Variants in TMEM268 observed in about 807,000 individuals in gnomAD.
The protein encoded by TMEM268 is transmembrane protein C9orf91.
A neutral mutation model predicts 39.1 loss-of-function variants in TMEM268; 24 were observed. The ratio of observed to expected loss-of-function variants is 0.61; its 90% CI spans 0.44 to 0.86. The LOEUF (loss-of-function observed/expected upper bound fraction) is 0.86, where lower values mean the gene tolerates loss of function less well. Among genes scored for constraint, TMEM268 ranks in the 40% least tolerant of loss-of-function variants. TMEM268 has a pLI of 0.00. For missense variants in TMEM268, 409 were observed against 428.6 expected (o/e 0.95, Z 0.40); for synonymous variants, 176 against 173.5 (o/e 1.01, Z -0.12).
Position 114,625,993 on chromosome 9 carries a change from A to G in TMEM268, c.217-906A>G, listed in dbSNP as rs12237674. On this transcript the variant is annotated intron_variant, in intron 3 of 8. Coordinates refer to ENST00000288502, the MANE Select transcript of TMEM268 (RefSeq NM_153045.4). ...AGGCACGTGCCACCATGCCCAGCTAATTTTTGTATTTTTAGCAGGAACAGG... is the reference window on the plus strand; with the variant it reads ...AGGCACGTGCCACCATGCCCAGCTAGTTTTTGTATTTTTAGCAGGAACAGG... Among the ~76,000 whole-genome samples the G allele has an allele frequency of 1.5e-3, 215 of 147,756 alleles. 4 individuals are homozygous for G. The East Asian group carries it at 0.034, about 24-fold the overall frequency.
At chr9:114,638,798 G>T in intron 8 of TMEM268, 72 bp downstream of exon 8, 2 of 1,207,694 alleles carry the variant, frequency 1.7e-6, no homozygotes, top group Middle Eastern at 2.7e-4. Flanking sequence ...CTATGTGGGG[G>T]CTTCTTAGAT....
At chr9:114,615,157 A>G (rs573645021) in intron 1 of TMEM268, among the ~76,000 whole-genome samples, 2 of 152,124 alleles carry the variant, frequency 1.3e-5, no homozygotes, top group South Asian at 4.2e-4. Flanking sequence ...TCAGCCTCCC[A>G]AAGTGCTGGG....
At chr9:114,617,947 G>A (rs79468361) in intron 2 of TMEM268, among the ~76,000 whole-genome samples, 6,842 of 151,954 alleles carry the variant, frequency 0.045, 267 homozygotes, top group African/African-American at 0.1. Context: ...CATGATCTCG[G>A]TTCACTGTAG....
At chr9:114,610,441 C>T (rs1231624660), upstream of TMEM268, among the ~76,000 whole-genome samples, 1 of 152,176 alleles carries the variant, frequency 6.6e-6, no homozygotes, top group African/African-American at 2.4e-5. Flanking sequence ...GGCAGTGTGG[C>T]GCGTTCTGGC....
intron 5 of TMEM268, among the ~76,000 whole-genome samples, chr9:114,632,392 T>C (rs1846439846): frequency 6.6e-6 from 1 of 152,202 alleles, no homozygotes; most frequent in African/African-American, 2.4e-5. Flanking sequence ...AAATCTCCCT[T>C]ACAGGGTGCT....
upstream of TMEM268, among the ~76,000 whole-genome samples, chr9:114,609,337 AAACAAAC>A (rs568418512): frequency 4.8e-4 from 72 of 151,224 alleles, 1 homozygote; most frequent in East Asian, 0.012. Flanking sequence ...ACAAACAAAC[AAACAAAC>A]AAGCATGTAC....
At chr9:114,606,099 C>G in the TMEM268 span, among the ~76,000 whole-genome samples, 1 of 151,996 alleles carries the variant, frequency 6.6e-6, no homozygotes, top group South Asian at 2.1e-4. Flanking sequence ...GACCGATAGT[C>G]TAGTTACCTA....
intron 1 of TMEM268, among the ~76,000 whole-genome samples, chr9:114,616,005 CTTTTTTCTTTTCTTTTTT>C (rs1274362989): frequency 4.4e-5 from 6 of 137,860 alleles, no homozygotes; most frequent in Non-Finnish European, 7.7e-5. Context: ...TTTTCTTTTT[CTTTTTTCTTTTCTTTTTT>C]TTTTTTTTTT....
At chr9:114,607,609 C>T (rs542426579), upstream of TMEM268, among the ~76,000 whole-genome samples, 6 of 152,204 alleles carry the variant, frequency 3.9e-5, no homozygotes, top group South Asian at 2.1e-4. Context: ...GAGCCAAGAT[C>T]GCGCTGCTGT....
chr9:114,612,643 A>G (rs538838238), intron 1 of TMEM268, among the ~76,000 whole-genome samples: 9 of 152,164 alleles, frequency 5.9e-5, no homozygotes, highest in Non-Finnish European at 1.3e-4. Flanking sequence ...CCTCTGGTCC[A>G]TATCCCTTTC....
At chr9:114,618,800 A>G (rs941684816) in intron 2 of TMEM268, among the ~76,000 whole-genome samples, 1 of 152,202 alleles carries the variant, frequency 6.6e-6, no homozygotes, top group Non-Finnish European at 1.5e-5. Flanking sequence ...TCTAGCATTT[A>G]TCATAGTCTG....
chr9:114,626,692 G>A (rs917477111), intron 3 of TMEM268, among the ~76,000 whole-genome samples: 2 of 152,226 alleles, frequency 1.3e-5, no homozygotes, highest in African/African-American at 4.8e-5. Context: ...GTCTGAGGCT[G>A]TGTGGATCCT....
At position 114,645,645 on chromosome 9, in the gene TMEM268, G is replaced by C. The variant is rs41278677; in HGVS notation, c.*2332G>C. The C allele has an allele frequency of 6.6e-6, 1 of 152,298 alleles. No individual in the cohort carries two copies. The highest frequency in any genetic ancestry group is 1.5e-5 in the Non-Finnish European group (1 of 68,034). The allele number at this position is 152,298 out of a possible 1,614,324, so 9.4% of individuals were successfully genotyped here. On this transcript the variant is annotated 3_prime_UTR_variant, in exon 9 of 9. Transcript: ENST00000288502. ...TTTCTCAGTCAGTCCTAGAACCCCGGTAAGTAATTAACAGAGAATAAAAAT... is the reference window on the plus strand; with the variant it reads ...TTTCTCAGTCAGTCCTAGAACCCCGCTAAGTAATTAACAGAGAATAAAAAT...
intron 5 of TMEM268, 46 bp from the exon 6 acceptor site, chr9:114,633,722 C>T (rs1176863758): frequency 2.8e-6 from 3 of 1,086,472 alleles, no homozygotes; most frequent in Admixed American, 4.6e-5. Context: ...TGGGAGCTCC[C>T]CAGTAGCATG....
chr9:114,630,519 A>C (rs929212639), intron 5 of TMEM268, among the ~76,000 whole-genome samples: 2 of 152,178 alleles, frequency 1.3e-5, no homozygotes, highest in African/African-American at 4.8e-5. Flanking sequence ...GTCTATGCCC[A>C]ACAACAACCT....
At chr9:114,632,847 A>G (rs977601697) in intron 5 of TMEM268, among the ~76,000 whole-genome samples, 1 of 152,164 alleles carries the variant, frequency 6.6e-6, no homozygotes, top group African/African-American at 2.4e-5. Flanking sequence ...ACATTCTTTT[A>G]TTCTACAACT....
the TMEM268 span, among the ~76,000 whole-genome samples, chr9:114,603,979 T>C: frequency 6.6e-6 from 1 of 151,992 alleles, no homozygotes; most frequent in African/African-American, 2.4e-5. Flanking sequence ...CAGCTAGTTG[T>C]AAGAACTTTT....
Position 114,642,624 on chromosome 9 carries a change from T to C in TMEM268, c.850-510T>C, listed in dbSNP as rs188185545. Reference sequence around the variant, plus strand: ...GCTGGCTAGGTTTACTTTCTTTTTATATTTTTAAAATATATTTTTAATTTT... The same window carrying C: ...GCTGGCTAGGTTTACTTTCTTTTTACATTTTTAAAATATATTTTTAATTTT... On this transcript the variant is annotated intron_variant, in intron 8 of 8. Coordinates refer to ENST00000288502, the MANE Select transcript of TMEM268 (RefSeq NM_153045.4). Among the ~76,000 whole-genome samples the C allele has an allele frequency of 1.5e-4, 23 of 151,810 alleles. No individual in the cohort carries two copies. In the East Asian group the frequency reaches 2.5e-3, roughly 17 times the overall value.
At chr9:114,622,297 A>G in intron 2 of TMEM268, 7 of 985,362 alleles carry the variant, frequency 7.1e-6, no homozygotes, top group Non-Finnish European at 8.4e-6. Context: ...CTCATTGTCT[A>G]AGCAGCCGCC....
Sources: gnomAD v4.1 joint callset for allele counts (sites outside exome capture counted in the v4.1 genomes callset) on GRCh38, gnomAD v4.1.1 for gene constraint, MANE v1.5 for transcripts, NCBI Gene and HGNC (gene_info 2026-07-23, HGNC 2026-07-21) for gene names.